The following PEBP4 variants were observed in gnomAD, a reference collection of about 807,000 sequenced individuals.
PEBP4 encodes the protein phosphatidylethanolamine binding protein 4.
PEBP4 carries 22 observed loss-of-function variants against 23.9 expected under a neutral mutation model. The observed-to-expected ratio is 0.92, with a 90% CI of 0.66 to 1.31. The LOEUF (loss-of-function observed/expected upper bound fraction) is 1.31. PEBP4 is among the 40% of genes most tolerant of loss of function. PEBP4 has a pLI of 0.00. For missense variants in PEBP4, 324 were observed against 281.7 expected (o/e 1.15, Z -1.07); for synonymous variants, 112 against 99.3 (o/e 1.13, Z -0.76).
chr8:22,925,112 C>T (rs1429898798), intron 2 of PEBP4: 2 of 985,192 alleles, frequency 2.0e-6, no homozygotes, highest in Non-Finnish European at 2.4e-6. Context: ...GTCCTTGATG[C>T]ATTTTTCATT....
chr8:22,810,473 G>C (rs115386442), intron 4 of PEBP4, among the ~76,000 whole-genome samples: 4 of 152,098 alleles, frequency 2.6e-5, no homozygotes, highest in Admixed American at 1.3e-4. Flanking sequence ...TCAGGGGTGG[G>C]TGTCTGAGGC....
At chr8:22,788,225 C>A (rs1430883069) in intron 4 of PEBP4, among the ~76,000 whole-genome samples, 1 of 151,954 alleles carries the variant, frequency 6.6e-6, no homozygotes, top group African/African-American at 2.4e-5. Context: ...GAAGGGGTTT[C>A]AAAATGGGAG....
intron 3 of PEBP4, among the ~76,000 whole-genome samples, chr8:22,900,400 G>A (rs1363693915): frequency 6.6e-6 from 1 of 152,212 alleles, no homozygotes; most frequent in Non-Finnish European, 1.5e-5. Flanking sequence ...TGTAATCCCA[G>A]CACTTTGGGA....
At chr8:22,850,231 G>A (rs1807524181) in intron 3 of PEBP4, among the ~76,000 whole-genome samples, 1 of 152,168 alleles carries the variant, frequency 6.6e-6, no homozygotes, top group Non-Finnish European at 1.5e-5. Context: ...GCCTCCCCTG[G>A]TTTAGGGTCT....
chr8:22,742,104 T>C (rs1805007456), intron 4 of PEBP4, among the ~76,000 whole-genome samples: 1 of 151,886 alleles, frequency 6.6e-6, no homozygotes, highest in Admixed American at 6.6e-5. Flanking sequence ...CTCTGAGGAG[T>C]CTGGGATTCT....
In PEBP4 at chr8:22,865,683, G is replaced by C. The variant is rs1467313397; in HGVS notation, c.259-47948C>G. On this transcript the variant is annotated intron_variant, in intron 3 of 6. Coordinates refer to ENST00000256404, the MANE Select transcript of PEBP4 (RefSeq NM_144962.3). This position sits in a 1 kb window ranked among gnomAD's most constrained non-coding sequence, Gnocchi z 6.9. Reference sequence around the variant, plus strand: ...GGAGGCAAAGGAAGACTCCGTTCCAGCCACCTCCCGCCGCCCGGATCCCAG... The same window carrying C: ...GGAGGCAAAGGAAGACTCCGTTCCACCCACCTCCCGCCGCCCGGATCCCAG... 1.3e-5 allele frequency among the ~76,000 whole-genome samples: 2 copies of C among 152,098 alleles called. No individual in the cohort carries two copies. The highest frequency in any genetic ancestry group is 2.9e-5 in the Non-Finnish European group (2 of 67,978).
chr8:22,723,276 G>A (rs1354584983), intron 6 of PEBP4, among the ~76,000 whole-genome samples: 14 of 152,214 alleles, frequency 9.2e-5, no homozygotes, highest in African/African-American at 2.4e-5. Flanking sequence ...GGTCCCTCAG[G>A]CCACTGTGGT....
intron 5 of PEBP4, among the ~76,000 whole-genome samples, chr8:22,726,771 T>G (rs1479017556): frequency 6.6e-6 from 1 of 151,820 alleles, no homozygotes; most frequent in East Asian, 1.9e-4. Flanking sequence ...TGGTGCCCAG[T>G]GCTGTGCCAG....
At chr8:22,757,863 GC>G (rs1278560064) in intron 4 of PEBP4, 1 of 152,218 alleles carries the variant, frequency 6.6e-6, no homozygotes, top group Admixed American at 6.5e-5. Context: ...CTCCTACCCG[GC>G]CACCTGCAGC....
At chr8:22,933,657 G>C (rs542830634) in intron 1 of PEBP4, among the ~76,000 whole-genome samples, 1 of 152,202 alleles carries the variant, frequency 6.6e-6, no homozygotes, top group Non-Finnish European at 1.5e-5. Flanking sequence ...GCACTGCCCT[G>C]CAAGAAATGC....
In PEBP4 at chr8:22,855,014, A is replaced by G. The variant is rs930626432; in HGVS notation, c.259-37279T>C. ...TGAGTATGCACGCACACACACACAC[A>G]CACACACACACACACACACACACAC... On this transcript the variant is annotated intron_variant, in intron 3 of 6. Transcript: ENST00000256404. Among the ~76,000 whole-genome samples the G allele has an allele frequency of 4.0e-3, 141 of 35,106 alleles. 4 individuals carry two copies. The South Asian group carries it at 0.09, about 22-fold the overall frequency. 23.0% of individuals were successfully genotyped at this position (35,106 alleles called of 152,430 possible). A position where few individuals can be genotyped will look rare whatever the true frequency, so the allele number is the denominator to read the frequency against.
chr8:22,929,250 A>C (rs1364649107), upstream of PEBP4, among the ~76,000 whole-genome samples: 1 of 152,176 alleles, frequency 6.6e-6, no homozygotes, highest in Non-Finnish European at 1.5e-5. Flanking sequence ...GGCATTAAGC[A>C]CCTCCCACGT....
chr8:22,805,795 T>TA lies in PEBP4; in HGVS notation c.357+11841dup, dbSNP rs1554487541. Among the ~76,000 whole-genome samples, 736 of 151,754 alleles carry TA rather than the reference T, an allele frequency of 4.8e-3. 5 individuals carry two copies. The highest frequency in any genetic ancestry group is 0.016 in the African/African-American group (658 of 41,356). On this transcript the variant is annotated intron_variant, in intron 4 of 6. Transcript: ENST00000256404. ...TTAAAAAATAAAGTCTATTTTTTTTTAAAAAAAAGGGATTTGATTGCATAA... is the reference window on the plus strand; with the variant it reads ...TTAAAAAATAAAGTCTATTTTTTTTTAAAAAAAAAGGGATTTGATTGCATAA...
rs145511953 is a variant in PEBP4, at chr8:22,766,933, C to A, written c.358-39713G>T. ...TGTGGCCTTAGGTGAGTTATGGGAC[C>A]TCCCCATGCCTCAGTTTCCTCATGG... On this transcript the variant is annotated intron_variant, in intron 4 of 6. Coordinates refer to ENST00000256404, the MANE Select transcript of PEBP4 (RefSeq NM_144962.3). 8.5e-3 allele frequency among the ~76,000 whole-genome samples: 1,295 copies of A among 152,310 alleles called. 7 individuals carry two copies. Among genetic ancestry groups the A allele is most frequent in the Non-Finnish European group, 0.014 (951 of 68,028 alleles).
intron 2 of PEBP4, among the ~76,000 whole-genome samples, chr8:22,920,711 T>C (rs1390252572): frequency 6.6e-6 from 1 of 152,212 alleles, no homozygotes; most frequent in Non-Finnish European, 1.5e-5. Context: ...ATAGATTGCT[T>C]TTCAGGAACA....
At chr8:22,803,164 G>T (rs1035092509) in intron 4 of PEBP4, among the ~76,000 whole-genome samples, 1 of 152,064 alleles carries the variant, frequency 6.6e-6, no homozygotes, top group Non-Finnish European at 1.5e-5. Context: ...TTATAAAGTC[G>T]CAGCACCTGA....
intron 4 of PEBP4, among the ~76,000 whole-genome samples, chr8:22,781,221 G>A (rs764531784): frequency 1.3e-5 from 2 of 152,196 alleles, no homozygotes; most frequent in Non-Finnish European, 2.9e-5. Flanking sequence ...ACGTTTGGAT[G>A]CCCTTGGCAG....
At chr8:22,866,550 CCAGA>C (rs1164969559) in intron 3 of PEBP4, among the ~76,000 whole-genome samples, 1 of 152,096 alleles carries the variant, frequency 6.6e-6, no homozygotes, top group Admixed American at 6.5e-5. Context: ...GGATTTGAAC[CCAGA>C]CAGTCTGACT....
In PEBP4 at chr8:22,920,460, C is replaced by T. The variant is rs934552954; in HGVS notation, c.132-150G>A. On this transcript the variant is annotated intron_variant, in intron 2 of 6. Coordinates refer to ENST00000256404, the MANE Select transcript of PEBP4 (RefSeq NM_144962.3). ...AACTAGTTGTGTGACCGAAGAGTTA[C>T]TTGACCTCCTTGTGCCTCAGTTTCC... The T allele has an allele frequency of 1.0e-4, 93 of 889,766 alleles. No individual in the cohort carries two copies. In the African/African-American group the frequency reaches 1.5e-3, roughly 14 times the overall value. 55.1% of individuals were successfully genotyped at this position (889,766 alleles called of 1,614,324 possible).
Sources: gnomAD v4.1 joint callset for allele counts (sites outside exome capture counted in the v4.1 genomes callset) on GRCh38, gnomAD v4.1.1 for gene constraint, Gnocchi (gnomAD v3.1) non-coding constraint, MANE v1.5 for transcripts, NCBI Gene and HGNC (gene_info 2026-07-23, HGNC 2026-07-21) for gene names.